Variants in CADM2 observed in about 807,000 individuals in gnomAD.
The protein encoded by CADM2 is immunoglobulin superfamily member 4D.
A neutral mutation model predicts 49.8 loss-of-function variants in CADM2; 12 were observed. That is an observed-to-expected ratio of 0.24 (90% CI 0.15 to 0.39). The LOEUF is 0.39. Ranked by LOEUF, CADM2 falls within the 10% of genes least tolerant of loss-of-function variation. CADM2 has a pLI of 1.00. For missense variants in CADM2, 378 were observed against 492.3 expected (o/e 0.77, Z 2.20); for synonymous variants, 214 against 175.4 (o/e 1.22, Z -1.74).
chr3:85,554,102 A>G (rs952454551), intron 1 of CADM2, among the ~76,000 whole-genome samples: 2 of 151,566 alleles, frequency 1.3e-5, no homozygotes, highest in African/African-American at 2.4e-5. Context: ...CAATTTTTCC[A>G]CAGAAGTAGT....
intron 1 of CADM2, among the ~76,000 whole-genome samples, chr3:85,245,660 G>T (rs2107845932): frequency 6.6e-6 from 1 of 152,232 alleles, no homozygotes; most frequent in African/African-American, 2.4e-5. Context: ...TTAAGGAAAT[G>T]ACTCCTTGCT....
chr3:85,673,008 C>A (rs1047931907), intron 1 of CADM2, among the ~76,000 whole-genome samples: 4 of 152,124 alleles, frequency 2.6e-5, no homozygotes, highest in African/African-American at 9.7e-5. Context: ...TATTTCTTGC[C>A]TGTCTGTTTA....
At chr3:86,055,451 C>CTTTTTT (rs57606781) in intron 8 of CADM2, among the ~76,000 whole-genome samples, 23 of 87,498 alleles carry the variant, frequency 2.6e-4, no homozygotes, top group East Asian at 1.2e-3. Flanking sequence ...GGCATCCCCT[C>CTTTTTT]TTTTTTTTTT....
intron 8 of CADM2, among the ~76,000 whole-genome samples, chr3:86,016,733 A>G (rs1425404472): frequency 6.6e-6 from 1 of 152,132 alleles, no homozygotes; most frequent in Non-Finnish European, 1.5e-5. Flanking sequence ...TAATGTTAAC[A>G]CTTAGGGAAA....
chr3:85,220,006 A>G (rs72913069), intron 1 of CADM2, among the ~76,000 whole-genome samples: 5,449 of 152,254 alleles, frequency 0.036, 356 homozygotes, highest in African/African-American at 0.12. Flanking sequence ...ATGGAGATAG[A>G]TAAAATTAAA....
chr3:85,460,331 G>A (rs1399505525), intron 1 of CADM2, among the ~76,000 whole-genome samples: 1 of 152,014 alleles, frequency 6.6e-6, no homozygotes, highest in Non-Finnish European at 1.5e-5. Context: ...ATGAACCACT[G>A]TGAAGACAGA....
At chr3:85,960,642 C>T (rs1296519562) in intron 7 of CADM2, among the ~76,000 whole-genome samples, 1 of 151,876 alleles carries the variant, frequency 6.6e-6, no homozygotes, top group East Asian at 1.9e-4. Flanking sequence ...ATATTATTAA[C>T]AACTATTTCT....
At chr3:85,272,731 G>T (rs1559753226) in intron 1 of CADM2, among the ~76,000 whole-genome samples, 1 of 151,104 alleles carries the variant, frequency 6.6e-6, no homozygotes, top group Non-Finnish European at 1.5e-5. Context: ...GTTGAGAATA[G>T]GTTCTTTCAG....
chr3:85,266,133 A>C (rs1043638072), intron 1 of CADM2, among the ~76,000 whole-genome samples: 1 of 151,902 alleles, frequency 6.6e-6, no homozygotes, highest in Non-Finnish European at 1.5e-5. Flanking sequence ...ACCTGTCTGT[A>C]GGTGGTGAGA....
chr3:85,719,421 T>G (rs2107762010), intron 1 of CADM2, among the ~76,000 whole-genome samples: 1 of 152,312 alleles, frequency 6.6e-6, no homozygotes, highest in Admixed American at 6.5e-5. Context: ...TCCCCAATAA[T>G]TTAACTACCA....
intron 1 of CADM2, among the ~76,000 whole-genome samples, chr3:85,215,329 A>C: frequency 6.8e-6 from 1 of 146,948 alleles, no homozygotes; most frequent in African/African-American, 2.5e-5. Flanking sequence ...GCTGCTGTCT[A>C]AGTTGCAACA....
intron 3 of CADM2, among the ~76,000 whole-genome samples, chr3:85,824,416 AAAAAC>A: frequency 6.6e-6 from 1 of 150,712 alleles, no homozygotes; most frequent in Middle Eastern, 3.4e-3. Flanking sequence ...TTTTTTAAGA[AAAAAC>A]AAAAAAACTC....
chr3:85,498,680 A>G (rs894874477), intron 1 of CADM2, among the ~76,000 whole-genome samples: 4 of 152,196 alleles, frequency 2.6e-5, no homozygotes, highest in African/African-American at 7.2e-5. Flanking sequence ...TGTATTAAAT[A>G]AAATGGATTT....
intron 3 of CADM2, among the ~76,000 whole-genome samples, chr3:85,807,320 G>A (rs1023102832): frequency 7.2e-5 from 11 of 151,996 alleles, no homozygotes; most frequent in South Asian, 4.2e-4. Context: ...CCAACGTGAC[G>A]AAAAACCATC....
chr3:85,959,276 A>G (rs1724521244), intron 7 of CADM2, among the ~76,000 whole-genome samples: 1 of 151,626 alleles, frequency 6.6e-6, no homozygotes, highest in Non-Finnish European at 1.5e-5. Flanking sequence ...GCATGCTTCC[A>G]TCTTGGACCT....
At chr3:85,385,984 A>G (rs2034206106) in intron 1 of CADM2, among the ~76,000 whole-genome samples, 1 of 152,186 alleles carries the variant, frequency 6.6e-6, no homozygotes, top group South Asian at 2.1e-4. Context: ...TGCATTAACA[A>G]TTATATTTAA....
chr3:85,917,685 C>G (rs899301726), intron 6 of CADM2, among the ~76,000 whole-genome samples: 14 of 148,796 alleles, frequency 9.4e-5, no homozygotes, highest in Admixed American at 2.0e-4. Context: ...TTTAAAGTAG[C>G]TTTTTCCAAT....
chr3:85,091,059 A>G (rs538970499), intron 1 of CADM2, among the ~76,000 whole-genome samples: 2 of 152,322 alleles, frequency 1.3e-5, no homozygotes, highest in Admixed American at 1.3e-4. Context: ...GATTGCGGGG[A>G]TACAATACAG....
intron 1 of CADM2, among the ~76,000 whole-genome samples, chr3:85,294,128 A>T (rs2043884513): frequency 1.3e-5 from 2 of 151,978 alleles, no homozygotes; most frequent in Non-Finnish European, 2.9e-5. Flanking sequence ...AATCACAAGC[A>T]TTCTTATACA....
Sources: allele counts gnomAD v4.1 joint callset (sites outside exome capture counted in the v4.1 genomes callset), GRCh38; gene constraint gnomAD v4.1.1; transcripts MANE v1.5; gene names NCBI Gene and HGNC (gene_info 2026-07-23, HGNC 2026-07-21).